FOCAD: variants seen among roughly 807,000 people sequenced by gnomAD.
FOCAD encodes focadhesin.
FOCAD carries 198 observed loss-of-function variants against 225.6 expected under a neutral mutation model. The ratio of observed to expected loss-of-function variants is 0.88; its 90% confidence interval spans 0.78 to 0.99. The LOEUF (loss-of-function observed/expected upper bound fraction) is 0.99, where lower values mean the gene tolerates loss of function less well. FOCAD is among the 50% of genes least tolerant of loss of function. The pLI, the probability that FOCAD is intolerant of heterozygous loss-of-function variation, is 0.00. For synonymous variants in FOCAD, 897 were observed against 755.0 expected (o/e 1.19, Z -3.08); for missense variants, 2,713 against 2,123.6 (o/e 1.28, Z -5.46).
chr9:20,785,861 A>G (rs952338715), intron 10 of FOCAD, among the ~76,000 whole-genome samples: 9 of 152,176 alleles, frequency 5.9e-5, no homozygotes, highest in South Asian at 2.1e-4. Context: ...GCACTATTCT[A>G]TATTCCCACC....
chr9:20,746,087 AT>A (rs1429984985), intron 5 of FOCAD, among the ~76,000 whole-genome samples: 1 of 152,240 alleles, frequency 6.6e-6, no homozygotes, highest in Admixed American at 6.5e-5. Flanking sequence ...AAGAAAAGCA[AT>A]AGCAAGTCCA....
At chr9:20,819,423 A>G (rs553670773) in intron 11 of FOCAD, among the ~76,000 whole-genome samples, 55 of 152,168 alleles carry the variant, frequency 3.6e-4, no homozygotes, top group African/African-American at 1.3e-3. Flanking sequence ...TGTGTTGCCC[A>G]GGCTGGTCTT....
chr9:20,984,483 A>T (rs1840977914), intron 39 of FOCAD, among the ~76,000 whole-genome samples: 2 of 152,258 alleles, frequency 1.3e-5, no homozygotes, highest in African/African-American at 4.8e-5. Flanking sequence ...ACTTAAAAGC[A>T]ATAATAAGAA....
intron 42 of FOCAD, 127 bp from the exon 43 acceptor site, chr9:20,993,126 G>A (rs2132720810): frequency 7.3e-6 from 5 of 688,430 alleles, no homozygotes; most frequent in South Asian, 1.8e-5. Flanking sequence ...CCTAAGAACT[G>A]TAATCCCAGC....
intron 11 of FOCAD, among the ~76,000 whole-genome samples, chr9:20,790,429 C>T (rs1233225146): frequency 6.6e-6 from 1 of 152,030 alleles, no homozygotes; most frequent in Non-Finnish European, 1.5e-5. Context: ...GTGATGTGTT[C>T]CTAGAGGAAA....
chr9:20,866,630 A>G (rs1173878989), intron 17 of FOCAD, among the ~76,000 whole-genome samples: 1 of 152,016 alleles, frequency 6.6e-6, no homozygotes, highest in Non-Finnish European at 1.5e-5. Flanking sequence ...AAAAATGTTT[A>G]ATGCTGATAA....
At position 20,820,360 on chromosome 9, in the gene FOCAD, C is replaced by T. The variant is rs1824186081; in HGVS notation, c.1597C>T (p.Leu533Phe). 1 of 1,612,744 alleles carries T rather than the reference C, an allele frequency of 6.2e-7. No individual in the cohort carries two copies. The change falls in exon 13 of 44, where the codon CTT becomes TTT. Residue 533 changes from leucine (L) to phenylalanine (F), a missense_variant. By Grantham distance (22) the Leu-to-Phe change is conservative. Coordinates refer to ENST00000338382, the MANE Select transcript of FOCAD (RefSeq NM_001375567.1). ...ACAAATTCTACGAATAATACAACTA[C>T]TTGGAACCACACCACGACTAAGAGC... is the stretch of plus-strand genomic sequence containing the variant. ...IGQILRIIQL[L>F]GTTPRLRAVT...
At chr9:20,768,419 G>C (rs1459650266) in intron 7 of FOCAD, among the ~76,000 whole-genome samples, 1 of 152,062 alleles carries the variant, frequency 6.6e-6, no homozygotes, top group South Asian at 2.1e-4. Context: ...ACCTTGGGCA[G>C]TATGGCCATT....
In FOCAD at chr9:20,724,042, G is replaced by T. The variant is rs116063205; in HGVS notation, c.287+3508G>T. Among the ~76,000 whole-genome samples the T allele has an allele frequency of 4.4e-3, 677 of 152,264 alleles. 4 individuals are homozygous for T. The highest frequency in any genetic ancestry group is 0.016 in the African/African-American group (646 of 41,564). On this transcript the variant is annotated intron_variant, in intron 4 of 43. Transcript: ENST00000338382. ...GATCTCATGTGAACTAACTGAGCAA[G>T]AACTCACTTGTCACCAAGGGGATGG...
chr9:20,821,996 TAAAAAAAAA>T lies in FOCAD; in HGVS notation c.1793+944_1793+952del, dbSNP rs58640962. Among the ~76,000 whole-genome samples, 8 of 49,338 alleles carry T rather than the reference TAAAAAAAAA, an allele frequency of 1.6e-4. No homozygotes were observed. The East Asian group carries it at 3.8e-3, about 23-fold the overall frequency. 32.4% of individuals were successfully genotyped at this position (49,338 alleles called of 152,430 possible). The stretch of plus-strand genomic sequence containing the variant: ...AAAATGACCTCAATGTAAAAGTTAC[TAAAAAAAAA>T]AAAAAAAAAAAAAAAAAAGGAGTTA... On this transcript the variant is annotated intron_variant, in intron 14 of 43. Coordinates refer to ENST00000338382, the MANE Select transcript of FOCAD (RefSeq NM_001375567.1).
Position 20,722,592 on chromosome 9 carries a change from G to A in FOCAD, c.287+2058G>A, listed in dbSNP as rs185212929. On this transcript the variant is annotated intron_variant, in intron 4 of 43. Transcript: ENST00000338382. ...CCCAGATATTTCTGAATAAGTGAAG[G>A]TTTGATCATGACTGAAAACTTACTA... 6.1e-4 allele frequency among the ~76,000 whole-genome samples: 93 copies of A among 152,332 alleles called. 1 individual carries two copies. Among genetic ancestry groups the A allele is most frequent in the African/African-American group, 2.0e-3 (83 of 41,570 alleles).
chr9:20,815,673 G>A (rs1256185051), intron 11 of FOCAD, among the ~76,000 whole-genome samples: 1 of 152,036 alleles, frequency 6.6e-6, no homozygotes, highest in African/African-American at 2.4e-5. Flanking sequence ...CTTAAACGCT[G>A]GAGGAGGGAA....
chr9:20,748,531 T>C (rs1001455802), intron 5 of FOCAD, among the ~76,000 whole-genome samples: 1 of 152,076 alleles, frequency 6.6e-6, no homozygotes, highest in Non-Finnish European at 1.5e-5. Flanking sequence ...AGAGGGCTTG[T>C]AGAAATCATT....
chr9:20,799,444 G>A (rs1227935766), intron 11 of FOCAD, among the ~76,000 whole-genome samples: 2 of 151,822 alleles, frequency 1.3e-5, no homozygotes, highest in Admixed American at 6.6e-5. Context: ...GTTGACAGTG[G>A]GGTGTTAAAG....
At chr9:20,868,741 A>G (rs1198357350) in intron 18 of FOCAD, among the ~76,000 whole-genome samples, 1 of 151,576 alleles carries the variant, frequency 6.6e-6, no homozygotes, top group Non-Finnish European at 1.5e-5. Context: ...CCCTTCTGGG[A>G]TATGACCCAT....
At chr9:20,931,941 C>A (rs994611398) in intron 27 of FOCAD, among the ~76,000 whole-genome samples, 2 of 149,794 alleles carry the variant, frequency 1.3e-5, no homozygotes, top group East Asian at 3.9e-4. Context: ...TTATGAAAAT[C>A]ATTTCAATTT....
At chr9:20,672,861 A>G (rs1056015689) in intron 2 of FOCAD, among the ~76,000 whole-genome samples, 5 of 152,250 alleles carry the variant, frequency 3.3e-5, no homozygotes, top group Admixed American at 3.3e-4. Flanking sequence ...AGGACTCACC[A>G]AACTTCAGTT....
chr9:20,770,181 T>A lies in FOCAD; in HGVS notation c.849T>A (p.Thr283=), dbSNP rs745442705. The A allele has an allele frequency of 6.8e-6, 11 of 1,613,994 alleles. No individual in the cohort carries two copies. Among genetic ancestry groups the A allele is most frequent in the Non-Finnish European group, 9.3e-6 (11 of 1,179,998 alleles). ...LCVSEVSLKI[T]GECSSSIHLL... is the part of the protein sequence containing the mutation. ...TCAGTGAAGTCAGCTTAAAGATAACTGGTGAATGTTCATCTTCAATTCACC... is the reference window on the plus strand; with the variant it reads ...TCAGTGAAGTCAGCTTAAAGATAACAGGTGAATGTTCATCTTCAATTCACC... Residue 283 remains threonine, a synonymous_variant, in exon 8 of 44, where the codon ACT becomes ACA. Transcript: ENST00000338382.
intron 35 of FOCAD, among the ~76,000 whole-genome samples, chr9:20,959,380 A>T (rs900077098): frequency 6.6e-6 from 1 of 151,996 alleles, no homozygotes; most frequent in Non-Finnish European, 1.5e-5. Flanking sequence ...TCTTAAAATC[A>T]GATTGTTTAT....
Sources: allele counts gnomAD v4.1 joint callset (sites outside exome capture counted in the v4.1 genomes callset), GRCh38; gene constraint gnomAD v4.1.1; transcripts MANE v1.5; gene names NCBI Gene and HGNC (gene_info 2026-07-23, HGNC 2026-07-21).